Variants in CFAP77 observed in about 807,000 individuals in gnomAD.
The protein encoded by CFAP77 is cilia and flagella associated protein 77.
In CFAP77, 25 loss-of-function variants were observed where a neutral mutation model predicts 31.1. The observed-to-expected ratio is 0.80, with a 90% confidence interval of 0.59 to 1.12. The LOEUF (loss-of-function observed/expected upper bound fraction) is 1.12. Ranked by LOEUF, CFAP77 falls within the 50% of genes most tolerant of loss-of-function variation. The pLI is 0.00. For synonymous variants in CFAP77, 151 were observed against 159.9 expected (o/e 0.94, Z 0.42); for missense variants, 377 against 397.3 (o/e 0.95, Z 0.44).
chr9:132,436,285 C>T (rs78176229), intron 1 of CFAP77, among the ~76,000 whole-genome samples: 21 of 152,258 alleles, frequency 1.4e-4, no homozygotes, highest in African/African-American at 5.1e-4. Context: ...CTGATCTCTG[C>T]CTCTGTGGTC....
intron 1 of CFAP77, among the ~76,000 whole-genome samples, chr9:132,459,862 G>C (rs906363581): frequency 4.0e-5 from 6 of 151,264 alleles, no homozygotes; most frequent in African/African-American, 1.5e-4. Flanking sequence ...CTGTGTGTGA[G>C]TGTGTGTATG....
intron 1 of CFAP77, among the ~76,000 whole-genome samples, chr9:132,450,214 G>A (rs752384547): frequency 6.6e-6 from 1 of 151,738 alleles, no homozygotes; most frequent in African/African-American, 2.4e-5. Context: ...ACAGGTGTGA[G>A]CCACCACGCC....
intron 5 of CFAP77, among the ~76,000 whole-genome samples, chr9:132,559,636 T>C (rs753728110): frequency 1.2e-4 from 19 of 152,140 alleles, no homozygotes; most frequent in Admixed American, 3.3e-4. Context: ...TCCAAAAGGC[T>C]AAACATAGAG....
At chr9:132,544,477 T>C (rs1852700778) in intron 5 of CFAP77, among the ~76,000 whole-genome samples, 1 of 150,874 alleles carries the variant, frequency 6.6e-6, no homozygotes, top group African/African-American at 2.4e-5. Flanking sequence ...GCTGTGGTCT[T>C]TCCTCACTGC....
intron 3 of CFAP77, chr9:132,513,308 C>T (rs976390252): frequency 1.2e-5 from 18 of 1,548,986 alleles, no homozygotes; most frequent in South Asian, 6.0e-5. Context: ...AACTAACTCC[C>T]GTGAACCCAC....
chr9:132,500,623 G>A (rs1258037331), intron 3 of CFAP77, among the ~76,000 whole-genome samples: 1 of 152,160 alleles, frequency 6.6e-6, no homozygotes, highest in Non-Finnish European at 1.5e-5. Context: ...CTGAGATAAA[G>A]ATATAGAATA....
intron 1 of CFAP77, among the ~76,000 whole-genome samples, chr9:132,465,094 G>GA (rs920426277): frequency 7.5e-6 from 1 of 134,180 alleles, no homozygotes; most frequent in African/African-American, 3.0e-5. Context: ...AAAAAAAAAA[G>GA]AAAAAAAGAA....
In CFAP77 at chr9:132,480,132, G is replaced by A. The variant is rs968246605; in HGVS notation, c.196-18563G>A. On this transcript the variant is annotated intron_variant, in intron 1 of 5. Coordinates refer to ENST00000393216, the MANE Select transcript of CFAP77 (RefSeq NM_001282957.2). This position sits in a 1 kb window ranked among gnomAD's most constrained non-coding sequence, Gnocchi z 5.8. ...ATGGGACCACTGAGGCCAGAGAAGA[G>A]GAGAGGGGGCCTCCTCGGCTGCTCT... Among the ~76,000 whole-genome samples the A allele has an allele frequency of 3.9e-5, 6 of 152,290 alleles. No individual in the cohort carries two copies. The highest frequency in any genetic ancestry group is 7.4e-5 in the Non-Finnish European group (5 of 68,000).
intron 5 of CFAP77, among the ~76,000 whole-genome samples, chr9:132,551,006 C>T (rs1294856536): frequency 6.6e-6 from 1 of 152,114 alleles, no homozygotes; most frequent in Non-Finnish European, 1.5e-5. Context: ...CGTCAGTGAA[C>T]ACATTTGGGG....
chr9:132,552,251 G>A lies in CFAP77; in HGVS notation c.732+9204G>A, dbSNP rs1852834105. ...AACAGAGAGGACCAAGTGCAATCAT[G>A]CGTGTGAAGCGCGTGGCACAGGCCT... On this transcript the variant is annotated intron_variant, in intron 5 of 5. Transcript: ENST00000393216. The surrounding 1 kb of genome is among the most constrained non-coding windows in gnomAD (Gnocchi z 5.5). Among the ~76,000 whole-genome samples the A allele has an allele frequency of 6.6e-6, 1 of 152,250 alleles. No homozygotes were observed. The highest frequency in any genetic ancestry group is 2.1e-4 in the South Asian group (1 of 4,834).
At chr9:132,529,936 G>C (rs1035020183) in intron 3 of CFAP77, among the ~76,000 whole-genome samples, 1 of 152,070 alleles carries the variant, frequency 6.6e-6, no homozygotes, top group East Asian at 1.9e-4. Context: ...TGTAGTTTCT[G>C]TGCATCCTCA....
chr9:132,459,070 C>CTTTTTT (rs1564211410), intron 1 of CFAP77, among the ~76,000 whole-genome samples: 1 of 141,722 alleles, frequency 7.1e-6, no homozygotes, highest in Non-Finnish European at 1.5e-5. Context: ...AGCCCTGAAA[C>CTTTTTT]TATTTTTTTT....
At position 132,499,564 on chromosome 9, in the gene CFAP77, C is replaced by T. The variant is rs768180880; in HGVS notation, c.488C>T (p.Pro163Leu). Residue 163 changes from proline to leucine, a missense_variant, in exon 3 of 6, where the codon CCT becomes CTT. Transcript: ENST00000393216. The surrounding 1 kb of genome is among the most constrained non-coding windows in gnomAD (Gnocchi z 5.4). ...DDRRMKKEPP[P>L]LPPNMTFGIR... Reference sequence around the variant, plus strand: ...CGGCGCATGAAGAAAGAGCCGCCCCCTCTCCCTCCAAACATGACATTTGGG... The same window carrying T: ...CGGCGCATGAAGAAAGAGCCGCCCCTTCTCCCTCCAAACATGACATTTGGG... The T allele has an allele frequency of 1.2e-6, 2 of 1,614,126 alleles. No homozygotes were observed. The highest frequency in any genetic ancestry group is 1.7e-6 in the Non-Finnish European group (2 of 1,180,048).
At chr9:132,561,603 G>A (rs897011174) in intron 5 of CFAP77, among the ~76,000 whole-genome samples, 2 of 111,472 alleles carry the variant, frequency 1.8e-5, no homozygotes, top group African/African-American at 3.4e-5. Context: ...TGAGGTGCAT[G>A]TACACACACA....
At chr9:132,469,838 A>ATTTTTTTTTTTT (rs763910119) in intron 1 of CFAP77, among the ~76,000 whole-genome samples, 1 of 128,840 alleles carries the variant, frequency 7.8e-6, no homozygotes, top group African/African-American at 3.2e-5. Flanking sequence ...TTGCTCCGTG[A>ATTTTTTTTTTTT]TTTTTTTTTT....
chr9:132,513,293 A>C, intron 3 of CFAP77: 1 of 1,549,642 alleles, frequency 6.5e-7, no homozygotes, highest in Middle Eastern at 1.7e-4. Flanking sequence ...GTTCAGAAGC[A>C]ACATAACTAA....
intron 5 of CFAP77, among the ~76,000 whole-genome samples, chr9:132,553,451 A>G (rs904942941): frequency 3.3e-5 from 5 of 152,222 alleles, no homozygotes; most frequent in Admixed American, 6.5e-5. Flanking sequence ...ACAAACAAAC[A>G]AACAAACAAA....
chr9:132,424,536 C>T lies in CFAP77; in HGVS notation c.195+14070C>T, dbSNP rs1162567192. On this transcript the variant is annotated intron_variant, in intron 1 of 5. Transcript: ENST00000393216. This position sits in a 1 kb window ranked among gnomAD's most constrained non-coding sequence, Gnocchi z 4.1. Reference sequence around the variant, plus strand: ...ATGGCTAGACAAGGTGAGAAATTGGCTGCCATGAGCTTGGGTGCATTTTTA... The same window carrying T: ...ATGGCTAGACAAGGTGAGAAATTGGTTGCCATGAGCTTGGGTGCATTTTTA... Among the ~76,000 whole-genome samples the T allele has an allele frequency of 6.6e-6, 1 of 152,162 alleles. No individual in the cohort carries two copies. Among genetic ancestry groups the T allele is most frequent in the African/African-American group, 2.4e-5 (1 of 41,428 alleles).
chr9:132,519,836 ATGGATGGATGGG>A (rs1249279583), intron 3 of CFAP77, among the ~76,000 whole-genome samples: 2 of 86,490 alleles, frequency 2.3e-5, no homozygotes, highest in Non-Finnish European at 4.5e-5. Context: ...GGATGGATGG[ATGGATGGATGGG>A]TGGGTGGGTG....
Sources: gnomAD v4.1 joint callset for allele counts (sites outside exome capture counted in the v4.1 genomes callset) on GRCh38, gnomAD v4.1.1 for gene constraint, Gnocchi (gnomAD v3.1) non-coding constraint, MANE v1.5 for transcripts, NCBI Gene and HGNC (gene_info 2026-07-23, HGNC 2026-07-21) for gene names.